The following LIPN variants were observed in gnomAD, a reference collection of about 807,000 sequenced individuals.
LIPN encodes the protein lipase member N.
LIPN carries 32 observed loss-of-function variants against 43.7 expected under a neutral mutation model. That is an observed-to-expected ratio of 0.73 (90% confidence interval 0.55 to 0.98). The LOEUF (loss-of-function observed/expected upper bound fraction) is 0.98, where lower values mean the gene tolerates loss of function less well. LIPN is among the 50% of genes least tolerant of loss of function. LIPN has a pLI of 0.00. For missense variants in LIPN, 505 were observed against 483.8 expected (o/e 1.04, Z -0.41); for synonymous variants, 156 against 157.6 (o/e 0.99, Z 0.08).
At position 88,778,271 on chromosome 10, in the gene LIPN, G is replaced by T; in HGVS notation, c.*29G>T. The stretch of plus-strand genomic sequence containing the variant: ...CAATGCATTTACTTTTCAATTAAAA[G>T]TTGCTTCCAAGCCCATAAGGGACTT... On this transcript the variant is annotated 3_prime_UTR_variant, in exon 10 of 10. Transcript: ENST00000404459. 1 of 1,538,214 alleles carries T rather than the reference G, an allele frequency of 6.5e-7. No individual in the cohort carries two copies.
At chr10:88,760,862 GC>G (rs1245827794) in intron 1 of LIPN, among the ~76,000 whole-genome samples, 1 of 152,126 alleles carries the variant, frequency 6.6e-6, no homozygotes, top group East Asian at 1.9e-4. Flanking sequence ...TTAAACCATG[GC>G]AAGGAAGTGA....
At chr10:88,758,899 ATAT>A (rs1431420118), upstream of LIPN, among the ~76,000 whole-genome samples, 1 of 152,130 alleles carries the variant, frequency 6.6e-6, no homozygotes, top group African/African-American at 2.4e-5. Context: ...CAACAAATCA[ATAT>A]TAATAATAAT....
chr10:88,757,858 G>A (rs181073123), upstream of LIPN, among the ~76,000 whole-genome samples: 19 of 152,142 alleles, frequency 1.2e-4, no homozygotes, highest in Non-Finnish European at 2.4e-4. Context: ...TGAATTTTAG[G>A]ATGCAAAATA....
At chr10:88,769,596 T>A (rs1843172412) in intron 6 of LIPN, 1 of 984,518 alleles carries the variant, frequency 1.0e-6, no homozygotes, top group African/African-American at 1.7e-5. Flanking sequence ...AATTCCAGAT[T>A]GGCCTTTGAA....
At position 88,760,794 on chromosome 10, in the gene LIPN, T is replaced by C. The variant is rs185961747; in HGVS notation, c.-8-604T>C. 2.3e-3 allele frequency among the ~76,000 whole-genome samples: 349 copies of C among 152,258 alleles called. 7 individuals carry two copies. Among genetic ancestry groups the C allele is most frequent in the Admixed American group, 0.015 (231 of 15,274 alleles). ...TTAGACCATTTGACTGTAGCACTTA[T>C]ATGATGAGCACGCTGTTTAGTGTTA... On this transcript the variant is annotated intron_variant, in intron 1 of 9. Transcript: ENST00000404459.
At chr10:88,761,340 TCATTAATCAA>T (rs765779566) in intron 1 of LIPN, 48 bp from the exon 2 acceptor site, 1 of 990,634 alleles carries the variant, frequency 1.0e-6, no homozygotes, top group Non-Finnish European at 1.6e-6. Flanking sequence ...TCATTTTATT[TCATTAATCAA>T]CATTGATAGT....
At chr10:88,772,487 C>T (rs1052844262) in intron 7 of LIPN, among the ~76,000 whole-genome samples, 10 of 151,794 alleles carry the variant, frequency 6.6e-5, no homozygotes, top group Admixed American at 4.6e-4. Context: ...TCTAGTTTTC[C>T]CAGCATCATT....
At position 88,770,904 on chromosome 10, in the gene LIPN, C is replaced by G. The variant is rs1843196047; in HGVS notation, c.732C>G (p.Thr244=). 1 of 1,547,582 alleles carries G rather than the reference C, an allele frequency of 6.5e-7. No individual in the cohort carries two copies. The highest frequency in any genetic ancestry group is 8.7e-7 in the Non-Finnish European group (1 of 1,143,036). Residue 244 remains threonine, a synonymous_variant, in exon 7 of 10, where the codon ACC becomes ACG. Coordinates refer to ENST00000404459, the MANE Select transcript of LIPN (RefSeq NM_001102469.2). ...ATAAGAAAACGAAGATAGCTTCTACCAAAATCTGCAACAATAAGATACTCT... is the reference window on the plus strand; with the variant it reads ...ATAAGAAAACGAAGATAGCTTCTACGAAAATCTGCAACAATAAGATACTCT... ...LEDKKTKIAS[T]KICNNKILWL...
intron 6 of LIPN, 148 bp downstream of exon 6, chr10:88,769,076 G>A: frequency 2.7e-6 from 2 of 731,194 alleles, no homozygotes; most frequent in South Asian, 1.9e-5. Flanking sequence ...GTGTATGTGT[G>A]TCCCTGCGTG....
rs932531242 is a variant in LIPN, at chr10:88,778,629, T to C, written c.*387T>C. Among the ~76,000 whole-genome samples the C allele has an allele frequency of 8.5e-5, 13 of 152,182 alleles. No individual in the cohort carries two copies. The highest frequency in any genetic ancestry group is 3.1e-4 in the African/African-American group (13 of 41,456). On this transcript the variant is annotated 3_prime_UTR_variant, in exon 10 of 10. Coordinates refer to ENST00000404459, the MANE Select transcript of LIPN (RefSeq NM_001102469.2). ...GTCATTTTATTTATATGGATTGCTA[T>C]GGCAATGGACAGAGTGTGGGATTAG...
At chr10:88,758,538 T>C (rs1383056639), upstream of LIPN, among the ~76,000 whole-genome samples, 1 of 148,852 alleles carries the variant, frequency 6.7e-6, no homozygotes, top group East Asian at 1.9e-4. Context: ...ACTTTTATTA[T>C]ATAGAAAATA....
intron 7 of LIPN, among the ~76,000 whole-genome samples, chr10:88,772,847 A>T (rs1389494955): frequency 2.1e-5 from 2 of 96,970 alleles, no homozygotes; most frequent in African/African-American, 5.1e-5. Context: ...GCCAAGAGCA[A>T]ATAATCTTAA....
chr10:88,777,035 T>C, intron 9 of LIPN, among the ~76,000 whole-genome samples: 1 of 152,108 alleles, frequency 6.6e-6, no homozygotes, highest in East Asian at 1.9e-4. Flanking sequence ...GAGGGCTTCT[T>C]CTACTTACTC....
In LIPN at chr10:88,762,234, TCACC is replaced by T. The variant is rs2134826480; in HGVS notation, c.156_159del (p.Thr53LeufsTer54). On this transcript the variant is annotated frameshift_variant, in exon 3 of 10. Coordinates refer to ENST00000404459, the MANE Select transcript of LIPN (RefSeq NM_001102469.2). LOFTEE classifies it high-confidence loss of function. ...GGCTACCCCAGTGAAGAGTATGAAG[TCACC>T]ACTGAAGATGGGTATATACTCCTTG... is the stretch of plus-strand genomic sequence containing the variant. 1 of 1,609,774 alleles carries T rather than the reference TCACC, an allele frequency of 6.2e-7. No individual in the cohort carries two copies. Among genetic ancestry groups the T allele is most frequent in the East Asian group, 2.2e-5 (1 of 44,596 alleles).
rs146146600 is a variant in LIPN at position 88,775,783 on chromosome 10, A to G, written c.963+620A>G. ...GTTCTCATAGCCAGGGGCTTGGCTT[A>G]TAAGTATGAACTAAGCAAACTAAAT... On this transcript the variant is annotated intron_variant, in intron 9 of 9. Transcript: ENST00000404459. 4.4e-3 allele frequency among the ~76,000 whole-genome samples: 663 copies of G among 152,152 alleles called. 3 individuals are homozygous for G. The highest frequency in any genetic ancestry group is 0.015 in the African/African-American group (629 of 41,548).
In LIPN at chr10:88,762,320, T is replaced by G; in HGVS notation, c.226+15T>G. The G allele has an allele frequency of 1.3e-6, 2 of 1,510,808 alleles. No homozygotes were observed. Among genetic ancestry groups the G allele is most frequent in the Non-Finnish European group, 1.8e-6 (2 of 1,094,984 alleles). 93.6% of individuals were successfully genotyped at this position (1,510,808 alleles called of 1,614,324 possible). ...TAGGAGCACAGGTACAAGATATGTC[T>G]CTCCTGAAAAGGGGACTGCATTGAC... On this transcript the variant is annotated intron_variant, in intron 3 of 9. Transcript: ENST00000404459.
At chr10:88,774,343 C>T (rs1441310248) in intron 7 of LIPN, 130 bp from the exon 8 acceptor site, 1 of 612,860 alleles carries the variant, frequency 1.6e-6, no homozygotes, top group Non-Finnish European at 2.9e-6. Flanking sequence ...GTATATTTAT[C>T]TAGATAATTC....
intron 8 of LIPN, among the ~76,000 whole-genome samples, chr10:88,774,844 A>C (rs1843270008): frequency 6.6e-6 from 1 of 151,920 alleles, no homozygotes; most frequent in Non-Finnish European, 1.5e-5. Flanking sequence ...TCCAGAGAGA[A>C]GTATCTGGGA....
rs947682834 is a variant in LIPN at position 88,762,196 on chromosome 10, C to T, written c.117C>T (p.Ile39=). Residue 39 remains isoleucine (I), a synonymous_variant, in exon 3 of 10, where the codon ATC becomes ATT. Transcript: ENST00000404459. The part of the protein sequence containing the change: ...NPEVWMNTSE[I]IIYNGYPSEE... ...GTATTTTTACTGGGCAGAGTGAAAT[C>T]ATCATCTACAATGGCTACCCCAGTG... 1 of 1,578,800 alleles carries T rather than the reference C, an allele frequency of 6.3e-7. No homozygotes were observed. Among genetic ancestry groups the T allele is most frequent in the Admixed American group, 1.7e-5 (1 of 58,744 alleles).
Sources: allele counts gnomAD v4.1 joint callset (sites outside exome capture counted in the v4.1 genomes callset), GRCh38; gene constraint gnomAD v4.1.1; transcripts MANE v1.5; gene names NCBI Gene and HGNC (gene_info 2026-07-23, HGNC 2026-07-21).